ATL2: variants seen among roughly 807,000 people sequenced by gnomAD.
ATL2 encodes atlastin-2.
Under a neutral mutation model 73.9 loss-of-function variants are expected in ATL2, and 31 were observed. That is an observed-to-expected ratio of 0.42 (90% confidence interval 0.32 to 0.57). The LOEUF is 0.57. ATL2 is among the 20% of genes least tolerant of loss of function. The pLI, the probability that ATL2 is intolerant of heterozygous loss-of-function variation, is 0.14. For missense variants in ATL2, 738 were observed against 702.6 expected, an observed-to-expected ratio of 1.05 and a Z score of -0.57; for synonymous variants, 291 against 237.5, an observed-to-expected ratio of 1.23 and a Z score of -2.07.
intron 7 of ATL2, among the ~76,000 whole-genome samples, chr2:38,311,292 G>C (rs1264366847): frequency 1.3e-5 from 2 of 152,062 alleles, no homozygotes; most frequent in Non-Finnish European, 2.9e-5. Flanking sequence ...AGAATTTTGA[G>C]AAGGGAAACT....
At position 38,340,553 on chromosome 2, in the gene ATL2, A is replaced by G. The variant is rs74789403; in HGVS notation, c.363+2715T>C. ...TCTTATAAAACTACTCACTACTTTC[A>G]TCAACTGCATACTTACATACATTGA... On this transcript the variant is annotated intron_variant, in intron 2 of 12. Transcript: ENST00000378954. 7.7e-3 allele frequency among the ~76,000 whole-genome samples: 1,166 copies of G among 152,072 alleles called. 14 individuals are homozygous for G. Among genetic ancestry groups the G allele is most frequent in the East Asian group, 0.057 (298 of 5,184 alleles).
intron 1 of ATL2, among the ~76,000 whole-genome samples, chr2:38,352,693 G>A (rs1670427104): frequency 6.6e-6 from 1 of 152,152 alleles, no homozygotes; most frequent in Admixed American, 6.6e-5. Flanking sequence ...TGGAGTTCTG[G>A]CCCAGCCAGA....
At chr2:38,374,915 TA>T (rs1671876156) in intron 1 of ATL2, among the ~76,000 whole-genome samples, 1 of 152,234 alleles carries the variant, frequency 6.6e-6, no homozygotes, top group South Asian at 2.1e-4. Context: ...CTTAAGGCCA[TA>T]ATCTTATTTT....
At chr2:38,370,047 G>C (rs1265136076) in intron 1 of ATL2, among the ~76,000 whole-genome samples, 38 of 150,044 alleles carry the variant, frequency 2.5e-4, no homozygotes, top group African/African-American at 8.6e-4. Context: ...CCAGGTACTC[G>C]GGAGGCTCAG....
rs77104648 is a variant in ATL2, at chr2:38,339,600, A to T, written c.363+3668T>A. ...AAACACTTCTAAAAAATCAGCTGAC[A>T]AAAAATTGTAGTATCAAAGCAAAAA... On this transcript the variant is annotated intron_variant, in intron 2 of 12. Coordinates refer to ENST00000378954, the MANE Select transcript of ATL2 (RefSeq NM_001135673.4). Among the ~76,000 whole-genome samples, 1,052 of 152,294 alleles carry T rather than the reference A, an allele frequency of 6.9e-3. 12 individuals are homozygous for T. Among genetic ancestry groups the T allele is most frequent in the East Asian group, 0.058 (302 of 5,190 alleles).
At chr2:38,315,225 T>C (rs1346842713) in intron 5 of ATL2, 59 bp downstream of exon 5, 4 of 1,385,740 alleles carry the variant, frequency 2.9e-6, no homozygotes, top group Admixed American at 7.3e-5. Context: ...TACTCTAGTC[T>C]GGGGAACAAG....
intron 5 of ATL2, among the ~76,000 whole-genome samples, chr2:38,315,052 G>T (rs529085567): frequency 6.6e-6 from 1 of 152,196 alleles, no homozygotes; most frequent in Non-Finnish European, 1.5e-5. Flanking sequence ...AGAAGTTCAA[G>T]ACCAGCCTGA....
chr2:38,350,088 C>T (rs188035842), intron 1 of ATL2, among the ~76,000 whole-genome samples: 106 of 152,220 alleles, frequency 7.0e-4, no homozygotes, highest in African/African-American at 2.4e-3. Flanking sequence ...TAGTGATTGC[C>T]TACAATTAAA....
chr2:38,371,437 G>A (rs910974790), intron 1 of ATL2, among the ~76,000 whole-genome samples: 2 of 152,098 alleles, frequency 1.3e-5, no homozygotes, highest in Admixed American at 6.5e-5. Context: ...GAGCCAGGGA[G>A]GTCAAAACCG....
chr2:38,301,832 T>C (rs1445697669), intron 9 of ATL2, among the ~76,000 whole-genome samples: 1 of 152,152 alleles, frequency 6.6e-6, no homozygotes, highest in Non-Finnish European at 1.5e-5. Flanking sequence ...GCATATGATA[T>C]AGTAAGACTC....
At chr2:38,323,348 A>AC (rs1364989732) in intron 2 of ATL2, among the ~76,000 whole-genome samples, 4 of 127,264 alleles carry the variant, frequency 3.1e-5, no homozygotes, top group Admixed American at 2.4e-4. Context: ...AATCACCAGA[A>AC]GTTTTTTTTT....
chr2:38,331,648 A>G (rs1468126075), intron 2 of ATL2, among the ~76,000 whole-genome samples: 3 of 151,102 alleles, frequency 2.0e-5, no homozygotes, highest in Non-Finnish European at 4.4e-5. Context: ...ATGTATACAG[A>G]TCAATGGAAT....
At chr2:38,350,373 T>A (rs1003028308) in intron 1 of ATL2, among the ~76,000 whole-genome samples, 2 of 152,212 alleles carry the variant, frequency 1.3e-5, no homozygotes, top group East Asian at 1.9e-4. Flanking sequence ...ACCTACCTAA[T>A]ATCTATTTGC....
At chr2:38,299,450 G>C (rs1266423571) in intron 10 of ATL2, 123 bp from the exon 11 acceptor site, 2 of 1,022,414 alleles carry the variant, frequency 2.0e-6, no homozygotes, top group Non-Finnish European at 2.7e-6. Flanking sequence ...GTAACTTCCA[G>C]TTTTTCTTTC....
chr2:38,299,386 G>C, intron 10 of ATL2, 59 bp from the exon 11 acceptor site: 1 of 1,463,732 alleles, frequency 6.8e-7, no homozygotes. Context: ...TAAAAATTCT[G>C]ATTAACACAA....
intron 1 of ATL2, among the ~76,000 whole-genome samples, chr2:38,349,458 A>G (rs572926616): frequency 2.1e-5 from 3 of 140,946 alleles, no homozygotes; most frequent in East Asian, 2.1e-4. Context: ...TCACTCATAG[A>G]TGGGAACTGA....
At chr2:38,367,598 A>AC (rs1415739869) in intron 1 of ATL2, among the ~76,000 whole-genome samples, 1 of 138,032 alleles carries the variant, frequency 7.2e-6, no homozygotes, top group African/African-American at 3.2e-5. Context: ...CCATCTCAAA[A>AC]AAAAAAAAAA....
At chr2:38,353,421 A>G (rs1349058196) in intron 1 of ATL2, among the ~76,000 whole-genome samples, 1 of 152,214 alleles carries the variant, frequency 6.6e-6, no homozygotes, top group East Asian at 1.9e-4. Context: ...GAGAGAAAAA[A>G]GAATAAAGAA....
chr2:38,359,142 C>T (rs1187139500), intron 1 of ATL2, among the ~76,000 whole-genome samples: 1 of 152,102 alleles, frequency 6.6e-6, no homozygotes, highest in Non-Finnish European at 1.5e-5. Context: ...TTCTAGCCAA[C>T]AACAAAAGAC....
Sources: allele counts gnomAD v4.1 joint callset (sites outside exome capture counted in the v4.1 genomes callset), GRCh38; gene constraint gnomAD v4.1.1; transcripts MANE v1.5; gene names NCBI Gene and HGNC (gene_info 2026-07-23, HGNC 2026-07-21).